The following CNOT11 variants were observed in gnomAD, a reference collection of about 807,000 sequenced individuals.
The protein encoded by CNOT11 is CCR4-NOT transcription complex subunit 11.
CNOT11 carries 18 observed loss-of-function variants against 44.6 expected under a neutral mutation model. The ratio of observed to expected loss-of-function variants is 0.40; its 90% CI spans 0.28 to 0.60. The LOEUF is 0.60. Among genes scored for constraint, CNOT11 ranks in the 20% least tolerant of loss-of-function variants. The pLI, the probability that CNOT11 is intolerant of heterozygous loss-of-function variation, is 0.38. For missense variants in CNOT11, 513 were observed against 677.0 expected (o/e 0.76, Z 2.69); for synonymous variants, 291 against 270.9 (o/e 1.07, Z -0.73).
intron 3 of CNOT11, 66 bp from the exon 4 acceptor site, chr2:101,264,779 A>T: frequency 8.0e-7 from 1 of 1,243,798 alleles, no homozygotes; most frequent in Non-Finnish European, 1.2e-6. Flanking sequence ...TTATTAAGTG[A>T]AATGTGTGAG....
intron 2 of CNOT11, among the ~76,000 whole-genome samples, chr2:101,261,763 A>AT (rs985413227): frequency 2.0e-5 from 3 of 148,838 alleles, no homozygotes; most frequent in African/African-American, 4.9e-5. Context: ...ATCTTTTCAG[A>AT]TTTTTTTGGC....
chr2:101,255,728 G>A (rs1006103193), intron 1 of CNOT11, among the ~76,000 whole-genome samples: 12 of 152,166 alleles, frequency 7.9e-5, no homozygotes, highest in Non-Finnish European at 1.8e-4. Context: ...GTAGTTAAGA[G>A]GAAGGAACGA....
rs1681669093 is a variant in CNOT11, at chr2:101,253,399, C to T, written c.435C>T (p.Phe145=). ...YRTEPLAANP[F]AASFAHLLNP... is the part of the protein sequence containing the mutation. Reference sequence around the variant, plus strand: ...CCGAGCCGCTGGCCGCCAACCCCTTCGCCGCCAGCTTCGCGCACCTGCTCA... The same window carrying T: ...CCGAGCCGCTGGCCGCCAACCCCTTTGCCGCCAGCTTCGCGCACCTGCTCA... The change falls in exon 1 of 7, where the codon TTC becomes TTT. Residue 145 remains phenylalanine (F), a synonymous_variant. Transcript: ENST00000289382. The surrounding 1 kb of genome is among the most constrained non-coding windows in gnomAD (Gnocchi z 4.3). 2 of 1,589,264 alleles carry T rather than the reference C, an allele frequency of 1.3e-6. No individual in the cohort carries two copies. The highest frequency in any genetic ancestry group is 1.7e-5 in the Admixed American group (1 of 59,146).
At chr2:101,268,281 A>C (rs1032217203) in intron 5 of CNOT11, among the ~76,000 whole-genome samples, 3 of 152,150 alleles carry the variant, frequency 2.0e-5, no homozygotes, top group Non-Finnish European at 4.4e-5. Flanking sequence ...GGTCCTCCGG[A>C]TTGACCACGC....
chr2:101,267,532 C>T (rs1199563391), intron 5 of CNOT11, among the ~76,000 whole-genome samples: 1 of 152,078 alleles, frequency 6.6e-6, no homozygotes, highest in Non-Finnish European at 1.5e-5. Flanking sequence ...AAAATATGGA[C>T]CTTAAGAGCT....
In CNOT11 at chr2:101,267,636, GA is replaced by G. The variant is rs200330968; in HGVS notation, c.1238+761del. ...TGACCCTGCCATCCTTGACTGTCAG[GA>G]AAACAGAACATCTTCCCTTCTTGAT... On this transcript the variant is annotated intron_variant, in intron 5 of 6. Transcript: ENST00000289382. Among the ~76,000 whole-genome samples, 956 of 152,272 alleles carry G rather than the reference GA, an allele frequency of 6.3e-3. 4 individuals carry two copies. Among genetic ancestry groups the G allele is most frequent in the African/African-American group, 0.022 (913 of 41,540 alleles).
rs1681765345 is a variant in CNOT11 at position 101,257,712 on chromosome 2, G to C, written c.515-79G>C. ...ACTATGTGGCTTGAAGTGGCAAGTA[G>C]CAAGTACTGATTTTACCAGATTCAA... On this transcript the variant is annotated intron_variant, in intron 1 of 6. Coordinates refer to ENST00000289382, the MANE Select transcript of CNOT11 (RefSeq NM_017546.5). The C allele has an allele frequency of 5.9e-6, 7 of 1,187,828 alleles. No individual in the cohort carries two copies. The African/African-American group carries it at 9.1e-5, about 15-fold the overall frequency. The allele number at this position is 1,187,828 out of a possible 1,614,324, so 73.6% of individuals were successfully genotyped here.
At chr2:101,268,206 T>C (rs201435461) in intron 5 of CNOT11, among the ~76,000 whole-genome samples, 3 of 55,284 alleles carry the variant, frequency 5.4e-5, no homozygotes, top group Non-Finnish European at 1.4e-4. Context: ...ATCTCCCCCC[T>C]CTTTGTTCCA....
intron 1 of CNOT11, among the ~76,000 whole-genome samples, chr2:101,255,999 C>T (rs1302970257): frequency 6.6e-6 from 1 of 152,028 alleles, no homozygotes; most frequent in East Asian, 1.9e-4. Flanking sequence ...ATTAGCCCGG[C>T]ATGATGGTGC....
rs374752878 is a variant in CNOT11 at position 101,266,730 on chromosome 2, C to T, written c.1089C>T (p.Thr363=). Residue 363 remains threonine, a synonymous_variant, in exon 5 of 7, where the codon ACC becomes ACT. Transcript: ENST00000289382. ...DPKLVYHIGL[T]PAKLPDLVEN... is the part of the protein sequence containing the mutation. ...AACTTGTCTACCATATTGGCCTCAC[C>T]CCAGCCAAACTTCCTGACCTTGTGG... 37 of 1,614,116 alleles carry T rather than the reference C, an allele frequency of 2.3e-5. No individual in the cohort carries two copies. The East Asian group carries it at 5.1e-4, about 22-fold the overall frequency.
At chr2:101,262,722 T>C (rs752960352) in intron 3 of CNOT11, 31 bp downstream of exon 3, 7 of 1,575,844 alleles carry the variant, frequency 4.4e-6, no homozygotes, top group Non-Finnish European at 6.1e-6. Flanking sequence ...TTATACTCTT[T>C]GTTTTATTCT....
intron 2 of CNOT11, among the ~76,000 whole-genome samples, chr2:101,258,940 C>A (rs1211647223): frequency 2.6e-5 from 4 of 152,120 alleles, no homozygotes; most frequent in Non-Finnish European, 5.9e-5. Context: ...TCAAGACTAG[C>A]CTGGGCAACA....
intron 2 of CNOT11, among the ~76,000 whole-genome samples, chr2:101,261,288 C>T (rs1336555444): frequency 6.6e-6 from 1 of 152,156 alleles, no homozygotes; most frequent in East Asian, 1.9e-4. Flanking sequence ...TTTCACTTTG[C>T]ATGCCCTTGA....
chr2:101,256,893 C>T lies in CNOT11; in HGVS notation c.515-898C>T, dbSNP rs1681743966. Among the ~76,000 whole-genome samples the T allele has an allele frequency of 2.6e-5, 4 of 151,410 alleles. No individual in the cohort carries two copies. In the South Asian group the frequency reaches 8.3e-4, roughly 32 times the overall value. On this transcript the variant is annotated intron_variant, in intron 1 of 6. Coordinates refer to ENST00000289382, the MANE Select transcript of CNOT11 (RefSeq NM_017546.5). ...GAAACCCTGTCTTTACTAAAAAGTACAAAAAATTACCTGGGCGTGGTGGCG... is the reference window on the plus strand; with the variant it reads ...GAAACCCTGTCTTTACTAAAAAGTATAAAAAATTACCTGGGCGTGGTGGCG...
At position 101,257,911 on chromosome 2, in the gene CNOT11, TG is replaced by T; in HGVS notation, c.638del (p.Gly213AlafsTer11). 1 of 1,614,116 alleles carries T rather than the reference TG, an allele frequency of 6.2e-7. No homozygotes were observed. Among genetic ancestry groups the T allele is most frequent in the Non-Finnish European group, 8.5e-7 (1 of 1,179,982 alleles). ...ATTGCACTGATGGACGTTGGAAACATGGGCCAGTCTGTGGACATTAGTGGGC... is the reference window on the plus strand; with the variant it reads ...ATTGCACTGATGGACGTTGGAAACATGGCCAGTCTGTGGACATTAGTGGGC... The part of the protein sequence containing the change: ...RQIALMDVGN[M>X]GQSVDISGLQ... On this transcript the variant is annotated frameshift_variant, in exon 2 of 7. Coordinates refer to ENST00000289382, the MANE Select transcript of CNOT11 (RefSeq NM_017546.5). LOFTEE classifies it high-confidence loss of function.
At chr2:101,262,798 T>C (rs1246165844) in intron 3 of CNOT11, 107 bp downstream of exon 3, 2 of 860,904 alleles carry the variant, frequency 2.3e-6, no homozygotes, top group East Asian at 5.3e-5. Context: ...ATGACTTAAA[T>C]TGTAATTTAG....
At chr2:101,266,630 C>A in intron 4 of CNOT11, 47 bp from the exon 5 acceptor site, 3 of 1,456,136 alleles carry the variant, frequency 2.1e-6, no homozygotes, top group Non-Finnish European at 2.9e-6. Context: ...TGACTCAACA[C>A]CCTTTCTCTC....
At chr2:101,258,088 TA>T in intron 2 of CNOT11, 133 bp downstream of exon 2, 1 of 899,302 alleles carries the variant, frequency 1.1e-6, no homozygotes. Context: ...GTAGTTTTAG[TA>T]CTGGATCTTA....
At position 101,269,512 on chromosome 2, in the gene CNOT11, T is replaced by C. The variant is rs1682062685; in HGVS notation, c.*99T>C. The C allele has an allele frequency of 5.0e-6, 5 of 1,001,918 alleles. No individual in the cohort carries two copies. Among genetic ancestry groups the C allele is most frequent in the Non-Finnish European group, 5.9e-6 (4 of 674,844 alleles). 62.1% of individuals were successfully genotyped at this position (1,001,918 alleles called of 1,614,324 possible). A position where few individuals can be genotyped will look rare whatever the true frequency, so the allele number is the denominator to read the frequency against. ...TGAGTGGATTGCTTGGTTTAATGCA[T>C]ATAAACAGTACTTTATCTACTTAAA... On this transcript the variant is annotated 3_prime_UTR_variant, in exon 7 of 7. Coordinates refer to ENST00000289382, the MANE Select transcript of CNOT11 (RefSeq NM_017546.5). This position sits in a 1 kb window ranked among gnomAD's most constrained non-coding sequence, Gnocchi z 4.8.
Sources: allele counts gnomAD v4.1 joint callset (sites outside exome capture counted in the v4.1 genomes callset), GRCh38; gene constraint gnomAD v4.1.1; non-coding constraint Gnocchi (gnomAD v3.1); transcripts MANE v1.5; gene names NCBI Gene and HGNC (gene_info 2026-07-23, HGNC 2026-07-21).